The following ROGDI variants were observed in gnomAD, a reference collection of about 807,000 sequenced individuals.
ROGDI encodes rogdi atypical leucine zipper, also known as protein rogdi homolog.
ROGDI carries 46 observed loss-of-function variants against 43.1 expected under a neutral mutation model. The observed-to-expected ratio is 1.07, with a 90% CI of 0.84 to 1.37. The LOEUF is 1.37. Among genes scored for constraint, ROGDI ranks in the 40% most tolerant of loss-of-function variants. ROGDI has a pLI of 0.00. For synonymous variants in ROGDI, 243 were observed against 162.0 expected, an observed-to-expected ratio of 1.50 and a Z score of -3.80; for missense variants, 518 against 383.9, an observed-to-expected ratio of 1.35 and a Z score of -2.92.
Position 4,801,120 on chromosome 16 carries a change from G to A in ROGDI, c.255+147C>T, listed in dbSNP as rs535185160. ...ACCGATCCCGGGAGAAGGTGTGAGG[G>A]TTGCTGTCATTTTCCAAAGGAGAAA... On this transcript the variant is annotated intron_variant, in intron 4 of 10. Transcript: ENST00000322048. 8 of 616,008 alleles carry A rather than the reference G, an allele frequency of 1.3e-5. No homozygotes were observed. The African/African-American group carries it at 1.5e-4, about 11-fold the overall frequency. 38.2% of individuals were successfully genotyped at this position (616,008 alleles called of 1,614,324 possible).
chr16:4,802,484 C>A (rs1166857143), intron 1 of ROGDI, 31 bp from the exon 2 acceptor site: 1 of 1,212,434 alleles, frequency 8.2e-7, no homozygotes. Flanking sequence ...TCGCGCCCGG[C>A]CCCGCCGCCC....
intron 3 of ROGDI, 42 bp from the exon 4 acceptor site, chr16:4,801,363 C>A (rs754715455): frequency 6.3e-7 from 1 of 1,587,642 alleles, no homozygotes; most frequent in Non-Finnish European, 8.6e-7. Context: ...GGTCACCCCC[C>A]CACCACCCAG....
intron 3 of ROGDI, 72 bp downstream of exon 3, chr16:4,801,431 G>A (rs759772032): frequency 2.2e-5 from 35 of 1,564,988 alleles, no homozygotes; most frequent in African/African-American, 8.1e-5. Flanking sequence ...TGGTCTGCAG[G>A]ACAGGGCTAT....
intron 5 of ROGDI, 145 bp from the exon 6 acceptor site, chr16:4,799,926 T>G: frequency 1.6e-6 from 1 of 630,116 alleles, no homozygotes; most frequent in Non-Finnish European, 2.8e-6. Context: ...CGCCAGGTGA[T>G]GGGCATCTGG....
At position 4,797,695 on chromosome 16, in the gene ROGDI, G is replaced by A. The variant is rs1296454856; in HGVS notation, c.822+19C>T. The A allele has an allele frequency of 2.5e-6, 3 of 1,194,690 alleles. No homozygotes were observed. The highest frequency in any genetic ancestry group is 2.1e-6 in the Non-Finnish European group (2 of 942,924). The allele number at this position is 1,194,690 out of a possible 1,614,324, so 74.0% of individuals were successfully genotyped here. The stretch of plus-strand genomic sequence containing the variant: ...CTTAGAAGTCCTTCCCCTAATGAAG[G>A]CGCTCGGCCCGGGCCCACCTTGTCC... On this transcript the variant is annotated intron_variant, in intron 10 of 10. Coordinates refer to ENST00000322048, the MANE Select transcript of ROGDI (RefSeq NM_024589.3).
rs552833661 is a variant in ROGDI, at chr16:4,800,526, C to G, written c.308G>C (p.Arg103Pro). ...CTGCAGCTTCCACTGCTTGTCCTCCCGGAAGGCGAAGTGCAGCAGCTGGTT... is the reference window on the plus strand; with the variant it reads ...CTGCAGCTTCCACTGCTTGTCCTCCGGGAAGGCGAAGTGCAGCAGCTGGTT... ...RNNQLLHFAF[R>P]EDKQWKLQQI... Residue 103 changes from arginine to proline, a missense_variant, in exon 5 of 11, where the codon CGG becomes CCG. Transcript: ENST00000322048. 1 of 1,561,890 alleles carries G rather than the reference C, an allele frequency of 6.4e-7. No individual in the cohort carries two copies. The highest frequency in any genetic ancestry group is 2.4e-5 in the East Asian group (1 of 42,026).
rs776356340 is a variant in ROGDI at position 4,802,467 on chromosome 16, C to A, written c.46-14G>T. 3.2e-5 allele frequency: 40 copies of A among 1,255,954 alleles called. No homozygotes were observed. Among genetic ancestry groups the A allele is most frequent in the Non-Finnish European group, 4.0e-5 (40 of 1,003,372 alleles). The allele number at this position is 1,255,954 out of a possible 1,614,324, so 77.8% of individuals were successfully genotyped here. A position where few individuals can be genotyped will look rare whatever the true frequency, so the allele number is the denominator to read the frequency against. On this transcript the variant is annotated splice_polypyrimidine_tract_variant and intron_variant, in intron 1 of 10. Coordinates refer to ENST00000322048, the MANE Select transcript of ROGDI (RefSeq NM_024589.3). The stretch of plus-strand genomic sequence containing the variant: ...GAACTCCTCCTCCTGCGGGACAGAC[C>A]CGGCGGTCGCGCCCGGCCCCGCCGC...
rs1175810380 is a variant in ROGDI at position 4,802,618 on chromosome 16, G to A, written c.-47C>T. Reference sequence around the variant, plus strand: ...GCCCTCCCCACCGGCCGCTGCTCCTGTCCACCAATCTTTCTGTCCTCGGTC... The same window carrying A: ...GCCCTCCCCACCGGCCGCTGCTCCTATCCACCAATCTTTCTGTCCTCGGTC... On this transcript the variant is annotated 5_prime_UTR_variant, in exon 1 of 11. Transcript: ENST00000322048. 7.8e-7 allele frequency: 1 copy of A among 1,285,948 alleles called. No homozygotes were observed. Among genetic ancestry groups the A allele is most frequent in the East Asian group, 3.1e-5 (1 of 32,554 alleles). 79.7% of individuals were successfully genotyped at this position (1,285,948 alleles called of 1,614,324 possible).
At position 4,801,317 on chromosome 16, in the gene ROGDI, C is replaced by T; in HGVS notation, c.205G>A (p.Asp69Asn). Residue 69 changes from aspartate to asparagine, a missense_variant, in exon 4 of 11, where the codon GAC (aspartate) becomes AAC (asparagine). Asp to Asn is a conservative substitution (Grantham distance 23). Transcript: ENST00000322048. Reference protein sequence around the residue: ...ENFILGSCGTDQVKGVLTLQG... With the variant: ...ENFILGSCGTNQVKGVLTLQG... ...AGAGTCAGCACACCCTTCACCTGGT[C>T]TGTGCTGTAACATGTGGCGTCAGAG... 17 of 1,607,984 alleles carry T rather than the reference C, an allele frequency of 1.1e-5. No homozygotes were observed. Among genetic ancestry groups the T allele is most frequent in the Non-Finnish European group, 1.3e-5 (15 of 1,175,834 alleles).
At chr16:4,797,684 C>G (rs1596274243) in intron 10 of ROGDI, 30 bp downstream of exon 10, 8 of 1,613,812 alleles carry the variant, frequency 5.0e-6, no homozygotes, top group Non-Finnish European at 6.8e-6. Flanking sequence ...GAAGTCCTTC[C>G]CCTAATGAAG....
Position 4,797,340 on chromosome 16 carries a change from G to A in ROGDI, c.*120C>T. The A allele has an allele frequency of 1.2e-6, 1 of 827,798 alleles. No individual in the cohort carries two copies. Among genetic ancestry groups the A allele is most frequent in the Non-Finnish European group, 1.9e-6 (1 of 521,708 alleles). 51.3% of individuals were successfully genotyped at this position (827,798 alleles called of 1,614,324 possible). A position where few individuals can be genotyped will look rare whatever the true frequency, so the allele number is the denominator to read the frequency against. ...CCGGCAGTGCAAATGTGTTAGGTGGGGTAGGGGGTGGGATAGGGAGATAAA... is the reference window on the plus strand; with the variant it reads ...CCGGCAGTGCAAATGTGTTAGGTGGAGTAGGGGGTGGGATAGGGAGATAAA... On this transcript the variant is annotated 3_prime_UTR_variant, in exon 11 of 11. Coordinates refer to ENST00000322048, the MANE Select transcript of ROGDI (RefSeq NM_024589.3).
chr16:4,802,604 C>A lies in ROGDI; in HGVS notation c.-33G>T. ...GGCCGCCGCCGAGCGCCCTCCCCACCGGCCGCTGCTCCTGTCCACCAATCT... is the reference window on the plus strand; with the variant it reads ...GGCCGCCGCCGAGCGCCCTCCCCACAGGCCGCTGCTCCTGTCCACCAATCT... On this transcript the variant is annotated 5_prime_UTR_variant, in exon 1 of 11. Transcript: ENST00000322048. 1 of 1,300,252 alleles carries A rather than the reference C, an allele frequency of 7.7e-7. No individual in the cohort carries two copies. 80.5% of individuals were successfully genotyped at this position (1,300,252 alleles called of 1,614,324 possible). A position where few individuals can be genotyped will look rare whatever the true frequency, so the allele number is the denominator to read the frequency against.
chr16:4,801,820 G>A (rs2082727069), intron 2 of ROGDI: 1 of 596,324 alleles, frequency 1.7e-6, no homozygotes, highest in African/African-American at 1.9e-5. Flanking sequence ...CCCGCCTCGG[G>A]GAATACAAAA....
chr16:4,798,050 C>A (rs375299461), intron 8 of ROGDI, 21 bp downstream of exon 8: 1 of 1,613,376 alleles, frequency 6.2e-7, no homozygotes, highest in South Asian at 1.1e-5. Context: ...GGCAGTGGGC[C>A]GGGCAGGGGT....
Position 4,802,595 on chromosome 16 carries a change from C to A in ROGDI, c.-24G>T, listed in dbSNP as rs921023605. ...ATGGCCGCAGGCCGCCGCCGAGCGC[C>A]CTCCCCACCGGCCGCTGCTCCTGTC... On this transcript the variant is annotated 5_prime_UTR_variant, in exon 1 of 11. Transcript: ENST00000322048. The A allele has an allele frequency of 7.7e-7, 1 of 1,303,998 alleles. No homozygotes were observed. The allele number at this position is 1,303,998 out of a possible 1,614,324, so 80.8% of individuals were successfully genotyped here. A position where few individuals can be genotyped will look rare whatever the true frequency, so the allele number is the denominator to read the frequency against.
chr16:4,798,469 T>C, intron 7 of ROGDI, 100 bp downstream of exon 7: 6 of 935,588 alleles, frequency 6.4e-6, no homozygotes, highest in Non-Finnish European at 9.4e-6. Context: ...ATATTCCACC[T>C]ATAATCTGGG....
Position 4,801,533 on chromosome 16 carries a change from T to A in ROGDI, c.170A>T (p.Lys57Met), listed in dbSNP as rs1423014650. Residue 57 changes from lysine to methionine, a missense_variant, in exon 3 of 11, where the codon AAG becomes ATG. By Grantham distance (95) the Lys-to-Met change is moderately conservative (BLOSUM62 -1). Coordinates refer to ENST00000322048, the MANE Select transcript of ROGDI (RefSeq NM_024589.3). Reference sequence around the variant, plus strand: ...GCTGCCTAGGATGAAGTTCTCTTGCTTGGCGGGCCCCTCAGTGCCGGAGCC... The same window carrying A: ...GCTGCCTAGGATGAAGTTCTCTTGCATGGCGGGCCCCTCAGTGCCGGAGCC... Reference protein sequence around the residue: ...LPGSGTEGPAKQENFILGSCG... With the variant: ...LPGSGTEGPAMQENFILGSCG... 1 of 1,607,272 alleles carries A rather than the reference T, an allele frequency of 6.2e-7. No individual in the cohort carries two copies. Among genetic ancestry groups the A allele is most frequent in the Non-Finnish European group, 8.5e-7 (1 of 1,177,110 alleles).
intron 2 of ROGDI, 44 bp downstream of exon 2, chr16:4,802,338 A>T: frequency 6.7e-7 from 1 of 1,499,010 alleles, no homozygotes; most frequent in East Asian, 2.4e-5. Flanking sequence ...GGAAATGAGG[A>T]GGGAGGGCCG....
chr16:4,801,375 C>T, intron 3 of ROGDI, 54 bp from the exon 4 acceptor site: 1 of 1,582,264 alleles, frequency 6.3e-7, no homozygotes, highest in Non-Finnish European at 8.6e-7. Context: ...ACCACCCAGC[C>T]CTCCCTCCCG....
Sources: gnomAD v4.1 joint callset for allele counts on GRCh38, gnomAD v4.1.1 for gene constraint, MANE v1.5 for transcripts, NCBI Gene and HGNC (gene_info 2026-07-23, HGNC 2026-07-21) for gene names.